The following STPG2 variants were observed in gnomAD, a reference collection of about 807,000 sequenced individuals.
STPG2 encodes sperm tail PG-rich repeat containing 2, also known as sperm-tail PG-rich repeat-containing protein 2.
Under a neutral mutation model 54.2 loss-of-function variants are expected in STPG2, and 56 were observed. That is an observed-to-expected ratio of 1.03 (90% CI 0.83 to 1.29). The LOEUF is 1.29. Ranked by LOEUF, STPG2 falls within the 50% of genes most tolerant of loss-of-function variation. The pLI is 0.00. For synonymous variants in STPG2, 200 were observed against 181.8 expected, an observed-to-expected ratio of 1.10 and a Z score of -0.81; for missense variants, 596 against 544.9, an observed-to-expected ratio of 1.09 and a Z score of -0.93.
chr4:97,550,168 T>C (rs1169989545), intron 4 of STPG2, among the ~76,000 whole-genome samples: 2 of 152,170 alleles, frequency 1.3e-5, no homozygotes, highest in African/African-American at 2.4e-5. Context: ...TACTTTTAAA[T>C]GAAAAGATGT....
In STPG2 at chr4:98,143,082, A is replaced by G; in HGVS notation, c.69T>C (p.Pro23=). Residue 23 remains proline (P), a synonymous_variant, in exon 1 of 11, where the codon CCT becomes CCC. Coordinates refer to ENST00000295268, the MANE Select transcript of STPG2 (RefSeq NM_174952.3). ...TCAGGAAAGGTACCTGGTAGGATCC[A>G]GGACCCACATGGGCCTCAGTGCTGC... ...EGGSTEAHVG[P]GSYQVPFLKQ... 2 of 1,613,884 alleles carry G rather than the reference A, an allele frequency of 1.2e-6. No individual in the cohort carries two copies. Among genetic ancestry groups the G allele is most frequent in the Non-Finnish European group, 1.7e-6 (2 of 1,179,900 alleles).
At chr4:98,064,459 A>T (rs1306051270) in intron 5 of STPG2, among the ~76,000 whole-genome samples, 12 of 152,208 alleles carry the variant, frequency 7.9e-5, no homozygotes, top group Admixed American at 7.9e-4. Flanking sequence ...TGAAACCTAC[A>T]TTTTTGTGTA....
At chr4:97,806,306 A>C (rs937442310) in intron 9 of STPG2, among the ~76,000 whole-genome samples, 1 of 152,130 alleles carries the variant, frequency 6.6e-6, no homozygotes, top group African/African-American at 2.4e-5. Flanking sequence ...TATAAATGGA[A>C]GCTAAACACT....
At chr4:97,531,774 A>G (rs1216056964) in intron 4 of STPG2, among the ~76,000 whole-genome samples, 1 of 152,180 alleles carries the variant, frequency 6.6e-6, no homozygotes, top group East Asian at 1.9e-4. Context: ...AATAGAAAGG[A>G]GTAATATGTG....
chr4:97,924,108 G>A (rs563308252), intron 8 of STPG2, among the ~76,000 whole-genome samples: 45 of 152,150 alleles, frequency 3.0e-4, no homozygotes, highest in Non-Finnish European at 5.0e-4. Context: ...CACTCACCGC[G>A]AAGGTCTGCA....
chr4:97,618,468 T>G (rs989083787), intron 10 of STPG2, among the ~76,000 whole-genome samples: 1 of 152,122 alleles, frequency 6.6e-6, no homozygotes, highest in Non-Finnish European at 1.5e-5. Flanking sequence ...ATTTGAGTTG[T>G]TAAATATATA....
chr4:98,015,476 A>G (rs1735914121), intron 5 of STPG2, among the ~76,000 whole-genome samples: 1 of 152,246 alleles, frequency 6.6e-6, no homozygotes, highest in Admixed American at 6.5e-5. Context: ...ATCAGTGGTC[A>G]TTACAGAAAT....
At chr4:97,680,587 A>T (rs1015008723) in intron 10 of STPG2, among the ~76,000 whole-genome samples, 9 of 151,788 alleles carry the variant, frequency 5.9e-5, no homozygotes, top group Non-Finnish European at 7.4e-5. Context: ...AGGGACAATT[A>T]GACTTCCTCT....
chr4:97,907,484 C>A (rs1273152702), intron 8 of STPG2, among the ~76,000 whole-genome samples: 1 of 152,094 alleles, frequency 6.6e-6, no homozygotes, highest in East Asian at 1.9e-4. Flanking sequence ...ATCAAGCTAC[C>A]AATGCCTTTC....
intron 9 of STPG2, among the ~76,000 whole-genome samples, chr4:97,836,425 C>T (rs1427130737): frequency 6.6e-6 from 1 of 151,858 alleles, no homozygotes; most frequent in African/African-American, 2.4e-5. Context: ...TTTATTCAGA[C>T]ATAATGCTAT....
At chr4:97,530,007 G>A (rs918617863) in intron 4 of STPG2, among the ~76,000 whole-genome samples, 24 of 151,890 alleles carry the variant, frequency 1.6e-4, no homozygotes, top group Admixed American at 1.2e-3. Flanking sequence ...TAGTACTTAA[G>A]ATTTGTGAGA....
At position 97,850,801 on chromosome 4, in the gene STPG2, T is replaced by G. The variant is rs1167556656; in HGVS notation, c.1045-9869A>C. Among the ~76,000 whole-genome samples, 4 of 152,154 alleles carry G rather than the reference T, an allele frequency of 2.6e-5. No individual in the cohort carries two copies. In the East Asian group the frequency reaches 5.8e-4, roughly 22 times the overall value. On this transcript the variant is annotated intron_variant, in intron 8 of 10. Transcript: ENST00000295268. ...CTGCAAGGGAACCCCAAAAAAGTAG[T>G]TGCTTTACTTGGGCACATTGATATT...
Position 97,559,038 on chromosome 4 carries a change from GT to G in STPG2, c.*19del. On this transcript the variant is annotated 3_prime_UTR_variant, in exon 11 of 11. Transcript: ENST00000295268. ...TGACTTCCATGAAGTTGTTTTTTAA[GT>G]TTTTGCCATAAATTTATGTCACATT... The G allele has an allele frequency of 6.3e-7, 1 of 1,575,640 alleles. No individual in the cohort carries two copies.
At chr4:97,638,049 C>T (rs1428005032) in intron 10 of STPG2, among the ~76,000 whole-genome samples, 2 of 152,046 alleles carry the variant, frequency 1.3e-5, no homozygotes, top group African/African-American at 4.8e-5. Flanking sequence ...AATCCTAAGC[C>T]AAAAGAACAA....
intron 8 of STPG2, among the ~76,000 whole-genome samples, chr4:97,939,229 A>G (rs1346103382): frequency 1.3e-5 from 2 of 152,244 alleles, no homozygotes; most frequent in East Asian, 1.9e-4. Flanking sequence ...TTTATGTCCA[A>G]TGATGTGGTC....
rs562977040 is a variant in STPG2, at chr4:97,863,948, A to C, written c.1045-23016T>G. Among the ~76,000 whole-genome samples, 12 of 152,208 alleles carry C rather than the reference A, an allele frequency of 7.9e-5. No individual in the cohort carries two copies. The South Asian group carries it at 1.0e-3, about 13-fold the overall frequency. On this transcript the variant is annotated intron_variant, in intron 8 of 10. Coordinates refer to ENST00000295268, the MANE Select transcript of STPG2 (RefSeq NM_174952.3). The stretch of plus-strand genomic sequence containing the variant: ...AATTAGGTATTGATGGGATGTATCT[A>C]AAAATAATAAGAGCTATTTATGACA...
intron 5 of STPG2, among the ~76,000 whole-genome samples, chr4:98,042,679 A>C (rs999153785): frequency 1.3e-5 from 2 of 151,446 alleles, no homozygotes; most frequent in Non-Finnish European, 3.0e-5. Context: ...TATGTATTAT[A>C]ATTTTGATTT....
At chr4:97,639,647 T>G (rs1578446251) in intron 10 of STPG2, among the ~76,000 whole-genome samples, 1 of 152,176 alleles carries the variant, frequency 6.6e-6, no homozygotes, top group Non-Finnish European at 1.5e-5. Context: ...CAAACATTTA[T>G]AAATATATAA....
chr4:97,912,350 G>A (rs1247200101), intron 8 of STPG2, among the ~76,000 whole-genome samples: 2 of 152,180 alleles, frequency 1.3e-5, no homozygotes, highest in East Asian at 1.9e-4. Flanking sequence ...GACTTCAGAA[G>A]GTGGATAATA....
Sources: allele counts gnomAD v4.1 joint callset (sites outside exome capture counted in the v4.1 genomes callset), GRCh38; gene constraint gnomAD v4.1.1; transcripts MANE v1.5; gene names NCBI Gene and HGNC (gene_info 2026-07-23, HGNC 2026-07-21).